The following STK26 variants were observed in gnomAD, a reference collection of about 807,000 sequenced individuals.
The protein encoded by STK26 is serine/threonine-protein kinase 26.
STK26 carries 14 observed loss-of-function variants against 34.7 expected under a neutral mutation model. The observed-to-expected ratio is 0.40, with a 90% CI of 0.27 to 0.63. The LOEUF (loss-of-function observed/expected upper bound fraction) is 0.63, where lower values mean the gene tolerates loss of function less well. STK26 is among the 30% of genes least tolerant of loss of function. The probability of loss-of-function intolerance (pLI) is 0.38; values close to 1 mark genes in which losing one functional copy is unlikely to be tolerated. For synonymous variants in STK26, 100 were observed against 109.8 expected (o/e 0.91, Z 0.56); for missense variants, 226 against 309.1 (o/e 0.73, Z 2.02).
chrX:132,072,403 T>C (rs200537590), intron 9 of STK26, 42 bp downstream of exon 9: 154 of 1,079,434 alleles, frequency 1.4e-4, no homozygotes, highest in Middle Eastern at 7.4e-4. Flanking sequence ...ATACAGTTTT[T>C]CAAACCATGT....
Position 132,041,668 on chromosome X carries a change from A to G in STK26, c.43-12963A>G, listed in dbSNP as rs758888433. Among the ~76,000 whole-genome samples the G allele has an allele frequency of 3.6e-5, 4 of 110,964 alleles. No individual in the cohort carries two copies. In the East Asian group the frequency reaches 1.1e-3, roughly 31 times the overall value. On this transcript the variant is annotated intron_variant, in intron 2 of 11. Coordinates refer to ENST00000394334, the MANE Select transcript of STK26 (RefSeq NM_016542.4). ...CAGTATAAAATTTAAAAAAAAAGCC[A>G]AGTGTTTCATAAGGGTCACTTCCAG...
intron 3 of STK26, 59 bp downstream of exon 3, chrX:132,054,920 T>A: frequency 3.0e-6 from 3 of 1,010,609 alleles, no homozygotes; most frequent in Non-Finnish European, 4.0e-6. Context: ...GTTTTTTAAT[T>A]CTATTTTTTT....
rs1312904228 is a variant in STK26 at position 132,023,650 on chromosome X, T to C, written c.33T>C (p.Pro11=). ...ACTCGCCGGTGGCTGTCCAAGTGCC[T>C]GGGATGCAGGTGAGGAAGCGCAGGC... MAHSPVAVQV[P]GMQNNIADPE... is the part of the protein sequence containing the mutation. Residue 11 remains proline, a synonymous_variant, in exon 2 of 12, where the codon CCT becomes CCC. Coordinates refer to ENST00000394334, the MANE Select transcript of STK26 (RefSeq NM_016542.4). The C allele has an allele frequency of 8.5e-7, 1 of 1,180,425 alleles. No individual in the cohort carries two copies. Among genetic ancestry groups the C allele is most frequent in the Non-Finnish European group, 1.1e-6 (1 of 879,847 alleles).
At chrX:132,055,417 T>G in intron 3 of STK26, 1 of 1,065,974 alleles carries the variant, frequency 9.4e-7, no homozygotes, top group Non-Finnish European at 1.3e-6. Context: ...AACATCTGCC[T>G]CCCCCTCCAA....
In STK26 at chrX:132,023,635, G is replaced by A. The variant is rs1291180082; in HGVS notation, c.18G>A (p.Val6=). The A allele has an allele frequency of 7.6e-6, 9 of 1,177,668 alleles. No individual in the cohort carries two copies. The highest frequency in any genetic ancestry group is 1.0e-5 in the Non-Finnish European group (9 of 878,596). Residue 6 remains valine (V), a synonymous_variant, in exon 2 of 12, where the codon GTG becomes GTA. Transcript: ENST00000394334. ...TCGCCTCCATGGCCCACTCGCCGGTGGCTGTCCAAGTGCCTGGGATGCAGG... is the reference window on the plus strand; with the variant it reads ...TCGCCTCCATGGCCCACTCGCCGGTAGCTGTCCAAGTGCCTGGGATGCAGG... MAHSP[V]AVQVPGMQNN... is the part of the protein sequence containing the mutation.
intron 6 of STK26, 50 bp from the exon 7 acceptor site, chrX:132,069,410 CATATATATATATATATAT>C (rs57609807): frequency 0.22 from 19,667 of 90,253 alleles, 1,743 homozygotes; most frequent in South Asian, 0.28. Context: ...CATACATACA[CATATATATATATATATAT>C]ATATATATAT....
At chrX:132,042,309 C>T (rs1926294651) in intron 2 of STK26, among the ~76,000 whole-genome samples, 1 of 110,548 alleles carries the variant, frequency 9.0e-6, no homozygotes, top group Non-Finnish European at 1.9e-5. Flanking sequence ...TGCTTTTTCC[C>T]CAAAATGAGT....
At position 132,054,881 on chromosome X, in the gene STK26, A is replaced by G; in HGVS notation, c.273+20A>G. The stretch of plus-strand genomic sequence containing the variant: ...TTAAAGGTAATGTGTGTGCTGTATT[A>G]TTTAAGTCATAAGGTATTTTCATTA... On this transcript the variant is annotated intron_variant, in intron 3 of 11. Transcript: ENST00000394334. 4 of 1,117,403 alleles carry G rather than the reference A, an allele frequency of 3.6e-6. No individual in the cohort carries two copies. The highest frequency in any genetic ancestry group is 4.9e-6 in the Non-Finnish European group (4 of 824,611). 92.1% of individuals were successfully genotyped at this position (1,117,403 alleles called of 1,213,427 possible).
In STK26 at chrX:132,034,111, C is replaced by CATATATAT. The variant is rs35610755; in HGVS notation, c.42+10462_42+10469dup. ...CTAAAACTTAAAAGTATAATAAATACATATATATATATATATAAAATAAAA... is the reference window on the plus strand; with the variant it reads ...CTAAAACTTAAAAGTATAATAAATACATATATATATATATATATATATATAAAATAAAA... On this transcript the variant is annotated intron_variant, in intron 2 of 11. Transcript: ENST00000394334. Among the ~76,000 whole-genome samples, 354 of 94,843 alleles carry CATATATAT rather than the reference C, an allele frequency of 3.7e-3. 2 individuals carry two copies. Among genetic ancestry groups the CATATATAT allele is most frequent in the South Asian group, 6.3e-3 (13 of 2,051 alleles). 82.4% of individuals were successfully genotyped at this position (94,843 alleles called of 115,157 possible). A position where few individuals can be genotyped will look rare whatever the true frequency, so the allele number is the denominator to read the frequency against.
In STK26 at chrX:132,072,294, C is replaced by T; in HGVS notation, c.959C>T (p.Thr320Ile). The T allele has an allele frequency of 8.3e-7, 1 of 1,208,823 alleles. No individual in the cohort carries two copies. The change falls in exon 9 of 12, where the codon ACT (threonine) becomes ATT (isoleucine). Residue 320 changes from threonine (T) to isoleucine (I), a missense_variant. Physicochemically the swap from Thr to Ile is moderately conservative, Grantham distance 89. This residue lies in a region of STK26 where 126 missense variants were observed against 132.4 expected (regional missense o/e 0.95). Transcript: ENST00000394334. The part of the protein sequence containing the change: ...DSESTSRENN[T>I]HPEWSFTTVR... ...GAATCTACCAGCAGGGAAAACAATA[C>T]TCATCCTGAATGGAGCTTTACCACC... is the stretch of plus-strand genomic sequence containing the variant.
chrX:132,054,646 C>T lies in STK26; in HGVS notation c.58C>T (p.Pro20Ser). Residue 20 changes from proline to serine, a missense_variant, in exon 3 of 12, where the codon CCA becomes TCA. By Grantham distance (74) the Pro-to-Ser change is moderately conservative. Transcript: ENST00000394334. ...CTCCCTTCAGAATAACATAGCTGAT[C>T]CAGAAGAACTGTTCACAAAATTAGA... ...VPGMQNNIAD[P>S]EELFTKLERI... The T allele has an allele frequency of 8.3e-7, 1 of 1,208,558 alleles. No homozygotes were observed. The highest frequency in any genetic ancestry group is 1.8e-5 in the South Asian group (1 of 56,517).
chrX:132,048,018 G>A (rs191070786), intron 2 of STK26, among the ~76,000 whole-genome samples: 39 of 111,416 alleles, frequency 3.5e-4, no homozygotes, highest in Admixed American at 3.2e-3. Flanking sequence ...TTAGTTAGGA[G>A]GAATAGGTTC....
chrX:132,038,766 C>CCCTA (rs1313191832), intron 2 of STK26, among the ~76,000 whole-genome samples: 7 of 110,485 alleles, frequency 6.3e-5, no homozygotes, highest in Non-Finnish European at 1.3e-4. Context: ...TTAAAGGTCT[C>CCCTA]CCTTGGGGAA....
chrX:132,050,510 T>C (rs1926649868), intron 2 of STK26, among the ~76,000 whole-genome samples: 1 of 111,450 alleles, frequency 9.0e-6, no homozygotes, highest in African/African-American at 3.3e-5. Context: ...AACCCACATA[T>C]ATGAAAAGTC....
chrX:132,047,740 G>A (rs1461642415), intron 2 of STK26, among the ~76,000 whole-genome samples: 9 of 111,760 alleles, frequency 8.1e-5, no homozygotes, highest in African/African-American at 2.9e-4. Context: ...TGGTAGTTGT[G>A]CATACATATG....
At chrX:132,048,278 A>G (rs1310006742) in intron 2 of STK26, among the ~76,000 whole-genome samples, 1 of 112,083 alleles carries the variant, frequency 8.9e-6, no homozygotes, top group Non-Finnish European at 1.9e-5. Context: ...ATCAGTTTAA[A>G]TATAGAAAAG....
At chrX:132,025,065 C>T (rs1312140029) in intron 2 of STK26, among the ~76,000 whole-genome samples, 2 of 111,318 alleles carry the variant, frequency 1.8e-5, no homozygotes, top group East Asian at 5.6e-4. Flanking sequence ...CCTTCTTTTC[C>T]CCACGCACCC....
intron 2 of STK26, among the ~76,000 whole-genome samples, chrX:132,043,322 TG>T (rs773918790): frequency 6.2e-5 from 7 of 112,164 alleles, no homozygotes; most frequent in African/African-American, 1.6e-4. Context: ...CCCTCTAATA[TG>T]GATAGCATAA....
At chrX:132,034,058 A>G (rs1364713529) in intron 2 of STK26, among the ~76,000 whole-genome samples, 1 of 107,245 alleles carries the variant, frequency 9.3e-6, no homozygotes, top group Non-Finnish European at 1.9e-5. Flanking sequence ...TACATATGTA[A>G]CTAACCTGCA....
Sources: gnomAD v4.1 joint callset for allele counts (sites outside exome capture counted in the v4.1 genomes callset) on GRCh38, gnomAD v4.1.1 for gene constraint, gnomAD v4.1.1 regional missense constraint, MANE v1.5 for transcripts, NCBI Gene and HGNC (gene_info 2026-07-23, HGNC 2026-07-21) for gene names.